The following RAD51B variants were observed in gnomAD, a reference collection of about 807,000 sequenced individuals.
The protein encoded by RAD51B is RAD51 paralog B, also known as DNA repair protein RAD51 homolog 2.
A neutral mutation model predicts 42.2 loss-of-function variants in RAD51B; 38 were observed. That is an observed-to-expected ratio of 0.90 (90% CI 0.70 to 1.18). RAD51B has a LOEUF of 1.18. Ranked by LOEUF, RAD51B falls within the 50% of genes most tolerant of loss-of-function variation. RAD51B has a pLI of 0.00. For missense variants in RAD51B, 373 were observed against 400.7 expected (o/e 0.93, Z 0.59); for synonymous variants, 154 against 145.2 (o/e 1.06, Z -0.43).
intron 7 of RAD51B, among the ~76,000 whole-genome samples, chr14:68,059,252 C>T (rs958292420): frequency 3.9e-5 from 6 of 152,154 alleles, no homozygotes; most frequent in African/African-American, 9.7e-5. Context: ...ACTAATCTTC[C>T]GTTAAAAAAA....
At chr14:68,394,216 G>A (rs2083846772) in intron 8 of RAD51B, among the ~76,000 whole-genome samples, 2 of 152,294 alleles carry the variant, frequency 1.3e-5, no homozygotes, top group African/African-American at 4.8e-5. Flanking sequence ...CTTTGTAATC[G>A]CTGCTTCCGC....
chr14:68,332,017 A>G (rs1381954163), intron 8 of RAD51B, among the ~76,000 whole-genome samples: 1 of 152,220 alleles, frequency 6.6e-6, no homozygotes, highest in East Asian at 1.9e-4. Context: ...CAAGCAAACA[A>G]AAAGCCCCAA....
chr14:68,141,540 G>A (rs10133770), intron 7 of RAD51B, among the ~76,000 whole-genome samples: 15,198 of 152,140 alleles, frequency 0.1, 2,267 homozygotes, highest in African/African-American at 0.33. Flanking sequence ...TTAGTATTCT[G>A]TAATACATAA....
At chr14:67,843,818 A>G (rs533200381) in intron 4 of RAD51B, among the ~76,000 whole-genome samples, 73 of 147,818 alleles carry the variant, frequency 4.9e-4, no homozygotes, top group African/African-American at 1.8e-3. Flanking sequence ...TGATCTTTTT[A>G]ATTATTTTTT....
chr14:68,486,481 A>G (rs1185853168), intron 10 of RAD51B, among the ~76,000 whole-genome samples: 1 of 152,200 alleles, frequency 6.6e-6, no homozygotes, highest in African/African-American at 2.4e-5. Flanking sequence ...TTGAAAGTTG[A>G]TACAAAGATG....
chr14:68,047,289 G>A (rs1350846964), intron 7 of RAD51B, among the ~76,000 whole-genome samples: 3 of 152,160 alleles, frequency 2.0e-5, no homozygotes, highest in Non-Finnish European at 4.4e-5. Flanking sequence ...TATTGAGGGA[G>A]CCAAGCTGCT....
At chr14:67,861,555 A>G (rs1489908212) in intron 4 of RAD51B, among the ~76,000 whole-genome samples, 2 of 151,296 alleles carry the variant, frequency 1.3e-5, no homozygotes, top group Non-Finnish European at 2.9e-5. Flanking sequence ...CAGCCTGGGC[A>G]ACAGAGTGAG....
chr14:68,315,688 AT>A (rs1388569386), intron 8 of RAD51B, among the ~76,000 whole-genome samples: 5 of 151,678 alleles, frequency 3.3e-5, no homozygotes, highest in Admixed American at 2.6e-4. Flanking sequence ...CGCCCGGCTA[AT>A]TTTTTTGTAT....
chr14:67,916,939 C>T (rs1003106853), intron 7 of RAD51B, among the ~76,000 whole-genome samples: 2 of 152,040 alleles, frequency 1.3e-5, no homozygotes, highest in African/African-American at 4.8e-5. Context: ...ATAATAATTG[C>T]TGTAAGCAGA....
At chr14:67,981,068 G>C (rs1469476744) in intron 7 of RAD51B, among the ~76,000 whole-genome samples, 2 of 152,140 alleles carry the variant, frequency 1.3e-5, no homozygotes, top group African/African-American at 4.8e-5. Context: ...GTAGACATCG[G>C]ATAGAGTATG....
At chr14:67,939,794 C>T (rs1184043016) in intron 7 of RAD51B, among the ~76,000 whole-genome samples, 1 of 151,638 alleles carries the variant, frequency 6.6e-6, no homozygotes, top group African/African-American at 2.4e-5. Flanking sequence ...CTAATTACCT[C>T]CCTAAAGGCC....
At chr14:67,977,103 C>T (rs533030220) in intron 7 of RAD51B, among the ~76,000 whole-genome samples, 81 of 152,322 alleles carry the variant, frequency 5.3e-4, no homozygotes, top group Non-Finnish European at 9.0e-4. Flanking sequence ...GTTGCATTAA[C>T]ACTCAGTACC....
rs532525443 is a variant in RAD51B, at chr14:68,563,518, T to C, written c.1037-30967T>C. 3 of 985,504 alleles carry C rather than the reference T, an allele frequency of 3.0e-6. No individual in the cohort carries two copies. The South Asian group carries it at 1.4e-4, about 46-fold the overall frequency. The allele number at this position is 985,504 out of a possible 1,614,324, so 61.0% of individuals were successfully genotyped here. ...AGAAAAGAAAACATTCTTCCATAAG[T>C]AGCTGCCTTGTTAATTCATTTTTTT... On this transcript the variant is annotated intron_variant, in intron 10 of 10. Coordinates refer to the RAD51B transcript ENST00000487270.
At chr14:67,884,872 T>C (rs2043016783) in intron 5 of RAD51B, among the ~76,000 whole-genome samples, 1 of 152,244 alleles carries the variant, frequency 6.6e-6, no homozygotes, top group East Asian at 1.9e-4. Context: ...CTTTTCTCTT[T>C]TATTTCTGAT....
intron 7 of RAD51B, among the ~76,000 whole-genome samples, chr14:68,284,313 A>G (rs1288896022): frequency 6.6e-5 from 10 of 152,240 alleles, no homozygotes; most frequent in Admixed American, 6.5e-4. Context: ...AAGATAAGCA[A>G]TGCAAAGGTG....
intron 10 of RAD51B, among the ~76,000 whole-genome samples, chr14:68,645,406 C>T (rs1270558046): frequency 6.6e-6 from 1 of 152,194 alleles, no homozygotes; most frequent in African/African-American, 2.4e-5. Flanking sequence ...CATCGACAGA[C>T]AGTTAGGTTG....
At chr14:68,673,973 CAT>C (rs759937341) in intron 11 of RAD51B, among the ~76,000 whole-genome samples, 5 of 152,122 alleles carry the variant, frequency 3.3e-5, no homozygotes, top group Admixed American at 6.5e-5. Context: ...CATGCACACA[CAT>C]ACACATACTG....
intron 10 of RAD51B, among the ~76,000 whole-genome samples, chr14:68,535,080 G>T (rs1887539643): frequency 6.6e-6 from 1 of 152,094 alleles, no homozygotes; most frequent in African/African-American, 2.4e-5. Flanking sequence ...TCTAGCTCTG[G>T]TTTGGTTCTG....
intron 10 of RAD51B, among the ~76,000 whole-genome samples, chr14:68,630,602 C>T (rs973687877): frequency 9.2e-5 from 14 of 152,246 alleles, no homozygotes; most frequent in Non-Finnish European, 1.8e-4. Context: ...CCAGCAGCCT[C>T]ATCCTATAGC....
Sources: gnomAD v4.1 joint callset for allele counts (sites outside exome capture counted in the v4.1 genomes callset) on GRCh38, gnomAD v4.1.1 for gene constraint, MANE v1.5 for transcripts, NCBI Gene and HGNC (gene_info 2026-07-23, HGNC 2026-07-21) for gene names.